RAMP1: variants seen among roughly 807,000 people sequenced by gnomAD.
RAMP1 encodes the protein receptor activity modifying protein 1.
A neutral mutation model predicts 8.2 loss-of-function variants in RAMP1; 7 were observed. The observed-to-expected ratio is 0.85, with a 90% CI of 0.49 to 1.60. The LOEUF (loss-of-function observed/expected upper bound fraction) is 1.60, where lower values mean the gene tolerates loss of function less well. RAMP1 is among the 40% of genes most tolerant of loss of function. The probability of loss-of-function intolerance (pLI) is 0.00; values close to 1 mark genes in which losing one functional copy is unlikely to be tolerated. For synonymous variants in RAMP1, 92 were observed against 84.7 expected, an observed-to-expected ratio of 1.09 and a Z score of -0.47; for missense variants, 192 against 202.4, an observed-to-expected ratio of 0.95 and a Z score of 0.31.
chr2:237,901,081 C>T (rs565951850), intron 2 of RAMP1, among the ~76,000 whole-genome samples: 2 of 152,370 alleles, frequency 1.3e-5, no homozygotes, highest in South Asian at 4.1e-4. Context: ...GGCGCAGTGC[C>T]AGCTGTCCTG....
At chr2:237,901,954 G>A (rs182492348) in intron 2 of RAMP1, among the ~76,000 whole-genome samples, 42 of 152,234 alleles carry the variant, frequency 2.8e-4, no homozygotes, top group Non-Finnish European at 4.9e-4. Flanking sequence ...ACAGTGATGG[G>A]GCCTCAGGAG....
intron 2 of RAMP1, among the ~76,000 whole-genome samples, chr2:237,897,228 G>C (rs1278258515): frequency 6.6e-6 from 1 of 152,234 alleles, no homozygotes; most frequent in Non-Finnish European, 1.5e-5. Flanking sequence ...CAGGAAAGAG[G>C]GAGACTGAAA....
intron 2 of RAMP1, among the ~76,000 whole-genome samples, chr2:237,886,836 A>G (rs547998976): frequency 2.0e-5 from 3 of 152,342 alleles, no homozygotes; most frequent in Admixed American, 2.0e-4. Context: ...ACATGCGGTG[A>G]CGCTAACCAG....
intron 2 of RAMP1, among the ~76,000 whole-genome samples, chr2:237,894,422 C>T (rs2062517138): frequency 1.3e-5 from 2 of 152,210 alleles, no homozygotes; most frequent in South Asian, 4.1e-4. Flanking sequence ...GCAGGAGGAG[C>T]CGGGGGCAGT....
chr2:237,868,590 C>CAAAAAAAAAAAAA, intron 1 of RAMP1, among the ~76,000 whole-genome samples: 1 of 135,654 alleles, frequency 7.4e-6, no homozygotes, highest in Non-Finnish European at 1.6e-5. Context: ...AAAAAAAAAA[C>CAAAAAAAAAAAAA]AAAAAAAAAA....
At position 237,908,506 on chromosome 2, in the gene RAMP1, C is replaced by T. The variant is rs55867621; in HGVS notation, c.192-3022C>T. The stretch of plus-strand genomic sequence containing the variant: ...CAGTGGCATGATCTCGGCATGATCT[C>T]GGCTCACTGCAACCTCCACCTCCTG... On this transcript the variant is annotated intron_variant, in intron 2 of 2. Coordinates refer to ENST00000254661, the MANE Select transcript of RAMP1 (RefSeq NM_005855.4). 4.1e-3 allele frequency among the ~76,000 whole-genome samples: 631 copies of T among 152,058 alleles called. 4 individuals are homozygous for T. The highest frequency in any genetic ancestry group is 0.014 in the African/African-American group (597 of 41,484).
chr2:237,859,946 C>G (rs1390730627), intron 1 of RAMP1: 1 of 450,992 alleles, frequency 2.2e-6, no homozygotes, highest in Non-Finnish European at 3.9e-6. Flanking sequence ...TTGCGCTTCT[C>G]GCCGGGGAAG....
rs940244409 is a variant in RAMP1 at position 237,877,771 on chromosome 2, C to G, written c.191+409C>G. Among the ~76,000 whole-genome samples the G allele has an allele frequency of 1.3e-5, 2 of 152,150 alleles. No individual in the cohort carries two copies. Among genetic ancestry groups the G allele is most frequent in the African/African-American group, 2.4e-5 (1 of 41,442 alleles). On this transcript the variant is annotated intron_variant, in intron 2 of 2. Transcript: ENST00000254661. This position sits in a 1 kb window ranked among gnomAD's most constrained non-coding sequence, Gnocchi z 4.4. Reference sequence around the variant, plus strand: ...TCCCTGTGGTCAGGCCAAAGCTGTCCTTCCTGGCCCCACCCTGTCCAGGGC... The same window carrying G: ...TCCCTGTGGTCAGGCCAAAGCTGTCGTTCCTGGCCCCACCCTGTCCAGGGC...
intron 2 of RAMP1, among the ~76,000 whole-genome samples, chr2:237,902,111 G>A (rs143607776): frequency 1.3e-5 from 2 of 152,162 alleles, no homozygotes; most frequent in Non-Finnish European, 2.9e-5. Context: ...CTCAGGTGCA[G>A]CCCAAGGCCG....
intron 2 of RAMP1, among the ~76,000 whole-genome samples, chr2:237,887,020 A>G (rs1420169910): frequency 6.7e-6 from 1 of 149,030 alleles, no homozygotes; most frequent in African/African-American, 2.4e-5. Flanking sequence ...GTCCTGGGAC[A>G]CAGGCCAGTT....
chr2:237,906,808 C>G (rs747435620), intron 2 of RAMP1, among the ~76,000 whole-genome samples: 2 of 150,542 alleles, frequency 1.3e-5, no homozygotes, highest in Middle Eastern at 3.4e-3. Flanking sequence ...CTGCAACCTC[C>G]GCCTCCCAGG....
chr2:237,879,183 A>G (rs1396836705), intron 2 of RAMP1, among the ~76,000 whole-genome samples: 3 of 152,180 alleles, frequency 2.0e-5, no homozygotes, highest in Non-Finnish European at 4.4e-5. Context: ...GGAAGACACA[A>G]TGGGGGGCCC....
At position 237,878,717 on chromosome 2, in the gene RAMP1, T is replaced by G. The variant is rs776787737; in HGVS notation, c.191+1355T>G. Among the ~76,000 whole-genome samples the G allele has an allele frequency of 6.6e-6, 1 of 152,246 alleles. No homozygotes were observed. ...CCTCAGGCCCAGAGTCCGTGCTCAG[T>G]GCACTGTTGTTGAGGCGACTCTGTA... On this transcript the variant is annotated intron_variant, in intron 2 of 2. Coordinates refer to ENST00000254661, the MANE Select transcript of RAMP1 (RefSeq NM_005855.4). The surrounding 1 kb of genome is among the most constrained non-coding windows in gnomAD (Gnocchi z 5.7).
At chr2:237,875,716 C>G (rs1198708772) in intron 1 of RAMP1, among the ~76,000 whole-genome samples, 2 of 152,196 alleles carry the variant, frequency 1.3e-5, no homozygotes, top group Non-Finnish European at 2.9e-5. Flanking sequence ...CCTCTCTGGT[C>G]AGCACTCAGC....
rs1028360923 is a variant in RAMP1, at chr2:237,907,989, G to C, written c.192-3539G>C. Among the ~76,000 whole-genome samples, 25 of 152,304 alleles carry C rather than the reference G, an allele frequency of 1.6e-4. No individual in the cohort carries two copies. In the South Asian group the frequency reaches 1.7e-3, roughly 10 times the overall value. On this transcript the variant is annotated intron_variant, in intron 2 of 2. Transcript: ENST00000254661. ...TTAGTGTGGGATTTGAGTCAATCTT[G>C]TTAGGAATTGAGCTGGGTTTGGGAT...
intron 2 of RAMP1, among the ~76,000 whole-genome samples, chr2:237,901,826 A>C (rs1363980986): frequency 6.7e-6 from 1 of 148,732 alleles, no homozygotes; most frequent in Non-Finnish European, 1.5e-5. Flanking sequence ...TGGGGGAGGC[A>C]GAAGAAGGGG....
chr2:237,877,120 C>A lies in RAMP1; in HGVS notation c.53-104C>A. The A allele has an allele frequency of 1.4e-6, 2 of 1,458,840 alleles. No individual in the cohort carries two copies. The highest frequency in any genetic ancestry group is 1.2e-5 in the South Asian group (1 of 85,542). The allele number at this position is 1,458,840 out of a possible 1,614,324, so 90.4% of individuals were successfully genotyped here. Reference sequence around the variant, plus strand: ...GCCCTCTCCAGGGGTTGCTTAGAGGCCCCGTTCTCGTGGAGTCCGGGCTGC... The same window carrying A: ...GCCCTCTCCAGGGGTTGCTTAGAGGACCCGTTCTCGTGGAGTCCGGGCTGC... On this transcript the variant is annotated intron_variant, in intron 1 of 2. Coordinates refer to ENST00000254661, the MANE Select transcript of RAMP1 (RefSeq NM_005855.4). The surrounding 1 kb of genome is among the most constrained non-coding windows in gnomAD (Gnocchi z 4.4).
chr2:237,911,965 C>G lies in RAMP1; in HGVS notation c.*182C>G. 1 of 1,089,418 alleles carries G rather than the reference C, an allele frequency of 9.2e-7. No homozygotes were observed. Among genetic ancestry groups the G allele is most frequent in the Non-Finnish European group, 1.3e-6 (1 of 785,612 alleles). The allele number at this position is 1,089,418 out of a possible 1,614,324, so 67.5% of individuals were successfully genotyped here. ...CTCTGGTATTAACCTGGAAGCCCCC[C>G]TGGCTGGAGGCCACCGCCACCCTAG... On this transcript the variant is annotated 3_prime_UTR_variant, in exon 3 of 3. Transcript: ENST00000254661.
chr2:237,875,520 A>C (rs1428397405), intron 1 of RAMP1, among the ~76,000 whole-genome samples: 5 of 151,356 alleles, frequency 3.3e-5, no homozygotes, highest in Non-Finnish European at 7.4e-5. Context: ...AGGTGGGGGG[A>C]CTCTGTCTCG....
Sources: gnomAD v4.1 joint callset for allele counts (sites outside exome capture counted in the v4.1 genomes callset) on GRCh38, gnomAD v4.1.1 for gene constraint, Gnocchi (gnomAD v3.1) non-coding constraint, MANE v1.5 for transcripts, NCBI Gene and HGNC (gene_info 2026-07-23, HGNC 2026-07-21) for gene names.